SHROOM3: variants seen among roughly 807,000 people sequenced by gnomAD.
SHROOM3 encodes shroom family member 3.
SHROOM3 carries 47 observed loss-of-function variants against 138.6 expected under a neutral mutation model. That is an observed-to-expected ratio of 0.34 (90% CI 0.27 to 0.43). SHROOM3 has a LOEUF of 0.43. Ranked by LOEUF, SHROOM3 falls within the 20% of genes least tolerant of loss-of-function variation. The pLI is 1.00. For missense variants in SHROOM3, 2,491 were observed against 2,596.5 expected, an observed-to-expected ratio of 0.96 and a Z score of 0.88; for synonymous variants, 1,062 against 1,063.3, an observed-to-expected ratio of 1.00 and a Z score of 0.02.
chr4:76,534,252 C>T (rs7690834), intron 1 of SHROOM3, among the ~76,000 whole-genome samples: 109,740 of 152,102 alleles, frequency 0.72, 40,705 homozygotes, highest in East Asian at 0.94. Context: ...CATTGTGCAT[C>T]GATTTTAAAG....
At chr4:76,772,707 T>A (rs1333008450) in intron 10 of SHROOM3, among the ~76,000 whole-genome samples, 1 of 152,118 alleles carries the variant, frequency 6.6e-6, no homozygotes, top group Non-Finnish European at 1.5e-5. Context: ...CAGTAGCCTG[T>A]CAAATATGAG....
At chr4:76,610,400 T>A (rs1330958859) in intron 2 of SHROOM3, among the ~76,000 whole-genome samples, 1 of 152,216 alleles carries the variant, frequency 6.6e-6, no homozygotes, top group Non-Finnish European at 1.5e-5. Context: ...TTTAGTAACC[T>A]TTAGCAGACT....
At chr4:76,440,770 CA>C (rs1285929838) in intron 1 of SHROOM3, among the ~76,000 whole-genome samples, 2 of 152,190 alleles carry the variant, frequency 1.3e-5, no homozygotes, top group African/African-American at 4.8e-5. Context: ...ACTCCTCCAT[CA>C]GTGCTTATAT....
chr4:76,467,565 G>T (rs1289797317), intron 1 of SHROOM3, among the ~76,000 whole-genome samples: 3 of 152,104 alleles, frequency 2.0e-5, no homozygotes, highest in Non-Finnish European at 2.9e-5. Flanking sequence ...AGTACATACA[G>T]TCTAGAGCAA....
chr4:76,677,254 C>T (rs1005757530), intron 2 of SHROOM3, among the ~76,000 whole-genome samples: 2 of 152,090 alleles, frequency 1.3e-5, no homozygotes, highest in African/African-American at 4.8e-5. Context: ...TAGGAGATAG[C>T]AAACTTTGTC....
At chr4:76,460,391 C>T (rs1579168427) in intron 1 of SHROOM3, among the ~76,000 whole-genome samples, 2 of 152,174 alleles carry the variant, frequency 1.3e-5, no homozygotes, top group Non-Finnish European at 2.9e-5. Flanking sequence ...AAGACACTAC[C>T]ACCGTTGCGA....
chr4:76,441,148 GC>G (rs1195255098), intron 1 of SHROOM3, among the ~76,000 whole-genome samples: 5 of 134,464 alleles, frequency 3.7e-5, no homozygotes, highest in East Asian at 4.5e-4. Flanking sequence ...GGAGTGCAGT[GC>G]AGTGGCGCGA....
chr4:76,437,822 G>A (rs950469528), intron 1 of SHROOM3, among the ~76,000 whole-genome samples: 6 of 152,172 alleles, frequency 3.9e-5, no homozygotes, highest in African/African-American at 1.4e-4. Context: ...TATTGTCTCG[G>A]CATTTAAAAA....
chr4:76,486,175 C>T (rs943309089), intron 1 of SHROOM3, among the ~76,000 whole-genome samples: 1 of 152,128 alleles, frequency 6.6e-6, no homozygotes, highest in African/African-American at 2.4e-5. Context: ...GATCAATAAG[C>T]ACAGATATTT....
chr4:76,478,287 TG>T (rs925299776), intron 1 of SHROOM3, among the ~76,000 whole-genome samples: 2 of 152,060 alleles, frequency 1.3e-5, no homozygotes, highest in East Asian at 3.9e-4. Context: ...TCAAGTTTGG[TG>T]GGGGGAGGGG....
intron 2 of SHROOM3, among the ~76,000 whole-genome samples, chr4:76,647,538 A>G (rs905582794): frequency 3.3e-5 from 5 of 152,370 alleles, no homozygotes; most frequent in Admixed American, 3.3e-4. Context: ...ATAACTATGT[A>G]CATATATTAT....
intron 2 of SHROOM3, among the ~76,000 whole-genome samples, chr4:76,699,206 A>G (rs1719833936): frequency 6.6e-6 from 1 of 152,230 alleles, no homozygotes; most frequent in Non-Finnish European, 1.5e-5. Context: ...TGATCCAGCT[A>G]CAAATCCTTT....
intron 1 of SHROOM3, among the ~76,000 whole-genome samples, chr4:76,502,492 T>C (rs182403011): frequency 9.9e-5 from 15 of 152,232 alleles, no homozygotes; most frequent in Admixed American, 9.8e-4. Context: ...TGACACTATC[T>C]CCAGGCAGAT....
chr4:76,722,348 G>A (rs1720577487), intron 3 of SHROOM3, among the ~76,000 whole-genome samples: 1 of 152,096 alleles, frequency 6.6e-6, no homozygotes. Context: ...ATGAGATAAT[G>A]TCTTTTGCAG....
At chr4:76,690,993 C>G (rs1475363055) in intron 2 of SHROOM3, among the ~76,000 whole-genome samples, 2 of 152,186 alleles carry the variant, frequency 1.3e-5, no homozygotes, top group African/African-American at 2.4e-5. Flanking sequence ...TTTATTGTGG[C>G]AATTTCTCTT....
chr4:76,618,317 T>C (rs1734927411), intron 2 of SHROOM3, among the ~76,000 whole-genome samples: 1 of 152,090 alleles, frequency 6.6e-6, no homozygotes, highest in Non-Finnish European at 1.5e-5. Context: ...AAAAAGTAAT[T>C]AATGTTGTTA....
chr4:76,658,100 A>G (rs1736104661), intron 2 of SHROOM3, among the ~76,000 whole-genome samples: 2 of 152,256 alleles, frequency 1.3e-5, no homozygotes, highest in African/African-American at 4.8e-5. Flanking sequence ...CATGCATTTT[A>G]TAATAACTTC....
intron 2 of SHROOM3, among the ~76,000 whole-genome samples, chr4:76,584,714 C>T (rs1734118193): frequency 6.6e-6 from 1 of 152,114 alleles, no homozygotes; most frequent in Non-Finnish European, 1.5e-5. Context: ...AATTGCACGG[C>T]CTGGCTGCTC....
intron 2 of SHROOM3, among the ~76,000 whole-genome samples, chr4:76,594,194 A>G (rs1302132813): frequency 2.0e-5 from 3 of 152,206 alleles, no homozygotes; most frequent in East Asian, 3.9e-4. Flanking sequence ...TAGCTGCTAC[A>G]TTGGATTTCT....
Sources: gnomAD v4.1 joint callset for allele counts (sites outside exome capture counted in the v4.1 genomes callset) on GRCh38, gnomAD v4.1.1 for gene constraint, MANE v1.5 for transcripts, NCBI Gene and HGNC (gene_info 2026-07-23, HGNC 2026-07-21) for gene names.